Variants in GLG1 observed in about 807,000 individuals in gnomAD.
The protein encoded by GLG1 is Golgi apparatus protein 1.
A neutral mutation model predicts 160.5 loss-of-function variants in GLG1; 38 were observed. That is an observed-to-expected ratio of 0.24 (90% CI 0.18 to 0.31). GLG1 has a LOEUF of 0.31. Ranked by LOEUF, GLG1 falls within the 10% of genes least tolerant of loss-of-function variation. GLG1 has a pLI of 1.00. For missense variants in GLG1, 1,373 were observed against 1,505.2 expected (o/e 0.91, Z 1.45); for synonymous variants, 644 against 543.4 (o/e 1.19, Z -2.57).
rs947454501 is a variant in GLG1 at position 74,448,138 on chromosome 16, C to T, written c.*5029G>A. 1.3e-5 allele frequency: 2 copies of T among 152,196 alleles called. No individual in the cohort carries two copies. Among genetic ancestry groups the T allele is most frequent in the African/African-American group, 2.4e-5 (1 of 41,436 alleles). 9.4% of individuals were successfully genotyped at this position (152,196 alleles called of 1,614,324 possible). A position where few individuals can be genotyped will look rare whatever the true frequency, so the allele number is the denominator to read the frequency against. On this transcript the variant is annotated 3_prime_UTR_variant, in exon 26 of 26. Transcript: ENST00000422840. Reference sequence around the variant, plus strand: ...CCTCACCAGATGGCTTTGGGGAGCTCTTCACCCTAAAGATTCGGTCTGGTT... The same window carrying T: ...CCTCACCAGATGGCTTTGGGGAGCTTTTCACCCTAAAGATTCGGTCTGGTT...
Position 74,452,911 on chromosome 16 carries a change from A to G in GLG1, c.*256T>C. On this transcript the variant is annotated 3_prime_UTR_variant, in exon 26 of 26. Coordinates refer to ENST00000422840, the MANE Select transcript of GLG1 (RefSeq NM_001145667.2). ...CTGTTGGTATGAGAGAGACTTGTCT[A>G]CAGGCAGGTAAACCCAAGTTTGCCA... The G allele has an allele frequency of 8.5e-7, 1 of 1,180,570 alleles. No individual in the cohort carries two copies. Among genetic ancestry groups the G allele is most frequent in the Non-Finnish European group, 1.0e-6 (1 of 954,610 alleles). The allele number at this position is 1,180,570 out of a possible 1,614,324, so 73.1% of individuals were successfully genotyped here.
At position 74,480,270 on chromosome 16, in the gene GLG1, C is replaced by T. The variant is rs1286330291; in HGVS notation, c.1798G>A (p.Ala600Thr). Residue 600 changes from alanine (A) to threonine (T), a missense_variant, in exon 11 of 26, where the codon GCC becomes ACC. This residue lies in a region of GLG1 where 386 missense variants were observed against 388.5 expected (regional missense o/e 0.99). Transcript: ENST00000422840. ...GAVFSCLYRH[A>T]YRTEEQGRRL... ...CTTCCCTGTTCCTCAGTGCGGTAGG[C>T]GTGTCTGTATAAACAAGAGAACACA... 5.0e-6 allele frequency: 8 copies of T among 1,612,078 alleles called. No homozygotes were observed. Among genetic ancestry groups the T allele is most frequent in the East Asian group, 2.2e-5 (1 of 44,880 alleles).
intron 8 of GLG1, among the ~76,000 whole-genome samples, chr16:74,488,878 C>T (rs967521418): frequency 1.3e-5 from 2 of 152,096 alleles, no homozygotes; most frequent in Admixed American, 6.6e-5. Flanking sequence ...CTTGGCCTCC[C>T]AAAGTTCTGG....
At chr16:74,571,227 G>A (rs1421618828) in intron 1 of GLG1, among the ~76,000 whole-genome samples, 1 of 152,086 alleles carries the variant, frequency 6.6e-6, no homozygotes, top group African/African-American at 2.4e-5. Flanking sequence ...ATCTGGGTCT[G>A]TCCAACCCAC....
At chr16:74,551,895 T>C (rs1240537083) in intron 1 of GLG1, among the ~76,000 whole-genome samples, 1 of 151,268 alleles carries the variant, frequency 6.6e-6, no homozygotes, top group Non-Finnish European at 1.5e-5. Flanking sequence ...CAGAAGGTAG[T>C]CTAGAATAGG....
At chr16:74,493,903 T>A (rs1051542192) in intron 6 of GLG1, among the ~76,000 whole-genome samples, 5 of 152,060 alleles carry the variant, frequency 3.3e-5, no homozygotes, top group African/African-American at 1.2e-4. Context: ...GAATTTTATA[T>A]AAAATCACAC....
chr16:74,553,474 T>C (rs1417189868), intron 1 of GLG1, among the ~76,000 whole-genome samples: 1 of 144,010 alleles, frequency 6.9e-6, no homozygotes, highest in East Asian at 2.0e-4. Context: ...TTTCGGTTTT[T>C]TTTTTTTTTT....
chr16:74,590,443 C>A (rs1176865162), intron 1 of GLG1, among the ~76,000 whole-genome samples: 2 of 151,678 alleles, frequency 1.3e-5, no homozygotes, highest in African/African-American at 2.4e-5. Flanking sequence ...CATGGAGAAA[C>A]CCCGTCTCTA....
intron 2 of GLG1, among the ~76,000 whole-genome samples, chr16:74,523,951 C>T (rs1422501568): frequency 6.6e-6 from 1 of 152,058 alleles, no homozygotes; most frequent in Non-Finnish European, 1.5e-5. Context: ...TGGCTCACGC[C>T]TGTGTAATCC....
At chr16:74,454,063 C>G (rs985132431) in intron 25 of GLG1, among the ~76,000 whole-genome samples, 2 of 151,714 alleles carry the variant, frequency 1.3e-5, no homozygotes, top group Admixed American at 6.6e-5. Flanking sequence ...TTAGTAGAGA[C>G]GGGGTTTCAC....
intron 2 of GLG1, among the ~76,000 whole-genome samples, chr16:74,521,110 C>T (rs944518058): frequency 3.9e-5 from 6 of 152,056 alleles, no homozygotes; most frequent in African/African-American, 1.4e-4. Flanking sequence ...GAAAGAATAG[C>T]GAATGCAAAA....
chr16:74,490,305 C>T (rs1251531632), intron 8 of GLG1, among the ~76,000 whole-genome samples: 1 of 152,158 alleles, frequency 6.6e-6, no homozygotes, highest in Non-Finnish European at 1.5e-5. Flanking sequence ...CTTTATCTCC[C>T]CAAGCAAAGT....
At chr16:74,601,980 C>T (rs996561855) in intron 1 of GLG1, among the ~76,000 whole-genome samples, 3 of 151,412 alleles carry the variant, frequency 2.0e-5, no homozygotes, top group African/African-American at 7.3e-5. Context: ...AAGAATAACA[C>T]TAGCACTAGC....
chr16:74,542,311 G>A (rs2017892608), intron 1 of GLG1, among the ~76,000 whole-genome samples: 1 of 150,652 alleles, frequency 6.6e-6, no homozygotes, highest in Admixed American at 6.7e-5. Flanking sequence ...ACATGATTTG[G>A]AACAGCTGAA....
At chr16:74,504,562 A>G (rs2016528132) in intron 3 of GLG1, among the ~76,000 whole-genome samples, 1 of 152,238 alleles carries the variant, frequency 6.6e-6, no homozygotes, top group Admixed American at 6.5e-5. Flanking sequence ...TGCTGGGATT[A>G]TAAGCGTGAG....
chr16:74,522,684 T>G (rs1597304721), intron 2 of GLG1, among the ~76,000 whole-genome samples: 1 of 152,184 alleles, frequency 6.6e-6, no homozygotes, highest in South Asian at 2.1e-4. Flanking sequence ...TATTGTATGC[T>G]TGTTTATTTA....
At chr16:74,605,169 T>G (rs914277546) in intron 1 of GLG1, among the ~76,000 whole-genome samples, 1 of 152,134 alleles carries the variant, frequency 6.6e-6, no homozygotes, top group African/African-American at 2.4e-5. Flanking sequence ...AATTGGAAAT[T>G]TGGTCCCTCC....
intron 1 of GLG1, among the ~76,000 whole-genome samples, chr16:74,597,038 G>A (rs369157874): frequency 2.0e-5 from 3 of 152,002 alleles, no homozygotes; most frequent in African/African-American, 7.2e-5. Context: ...ATGATCACTC[G>A]TGCTCGGGAG....
Position 74,606,124 on chromosome 16 carries a change from G to C in GLG1, c.438+533C>G, listed in dbSNP as rs1958559607. Among the ~76,000 whole-genome samples the C allele has an allele frequency of 3.3e-5, 5 of 152,102 alleles. No homozygotes were observed. The South Asian group carries it at 1.0e-3, about 32-fold the overall frequency. ...ACTGGGAGTTAACAGCTTAAACATG[G>C]GGTTCAATACAACTGACCAAAGGAA... On this transcript the variant is annotated intron_variant, in intron 1 of 25. Coordinates refer to ENST00000422840, the MANE Select transcript of GLG1 (RefSeq NM_001145667.2).
Sources: gnomAD v4.1 joint callset for allele counts (sites outside exome capture counted in the v4.1 genomes callset) on GRCh38, gnomAD v4.1.1 for gene constraint, gnomAD v4.1.1 regional missense constraint, MANE v1.5 for transcripts, NCBI Gene and HGNC (gene_info 2026-07-23, HGNC 2026-07-21) for gene names.